HMGN3: variants seen among roughly 807,000 people sequenced by gnomAD.
HMGN3 encodes the protein high mobility group nucleosomal binding domain 3.
In HMGN3, 6 loss-of-function variants were observed where a neutral mutation model predicts 18.8. That is an observed-to-expected ratio of 0.32 (90% CI 0.18 to 0.63). HMGN3 has a LOEUF of 0.63. Ranked by LOEUF, HMGN3 falls within the 30% of genes least tolerant of loss-of-function variation. The pLI is 0.79. For synonymous variants in HMGN3, 40 were observed against 36.5 expected, an observed-to-expected ratio of 1.10 and a Z score of -0.35; for missense variants, 107 against 114.2, an observed-to-expected ratio of 0.94 and a Z score of 0.29.
At chr6:79,205,060 C>T (rs541158056) in intron 3 of HMGN3, among the ~76,000 whole-genome samples, 46 of 152,228 alleles carry the variant, frequency 3.0e-4, no homozygotes, top group African/African-American at 1.1e-3. Flanking sequence ...GTCTGTAATC[C>T]TGCTGGCCTC....
intron 1 of HMGN3, 42 bp from the exon 2 acceptor site, chr6:79,215,064 AAC>A (rs1776905934): frequency 9.0e-7 from 1 of 1,110,982 alleles, no homozygotes; most frequent in East Asian, 2.4e-5. Flanking sequence ...TAAATTGGAA[AAC>A]ACACATTAGA....
intron 3 of HMGN3, among the ~76,000 whole-genome samples, chr6:79,207,693 T>C (rs1776488065): frequency 6.6e-6 from 1 of 152,194 alleles, no homozygotes; most frequent in Admixed American, 6.5e-5. Context: ...CTAATACCCA[T>C]TTTTGCTTTG....
At chr6:79,214,628 AG>A (rs1312421596) in intron 2 of HMGN3, among the ~76,000 whole-genome samples, 1 of 152,218 alleles carries the variant, frequency 6.6e-6, no homozygotes, top group African/African-American at 2.4e-5. Flanking sequence ...TTGCTGTGAA[AG>A]GCAGACTTTG....
At chr6:79,225,609 A>G (rs1415763016) in intron 1 of HMGN3, among the ~76,000 whole-genome samples, 1 of 152,228 alleles carries the variant, frequency 6.6e-6, no homozygotes, top group Non-Finnish European at 1.5e-5. Flanking sequence ...GAGTATTCCC[A>G]TTATTCTATA....
At chr6:79,234,660 G>T (rs958909335) in exon 1 of HMGN3, 19 of 1,199,732 alleles carry the variant, frequency 1.6e-5, no homozygotes, top group Non-Finnish European at 2.3e-5. Flanking sequence ...CACGCGCAGG[G>T]CACGACGTAG....
At chr6:79,221,690 G>C (rs1777291750) in intron 1 of HMGN3, among the ~76,000 whole-genome samples, 1 of 152,166 alleles carries the variant, frequency 6.6e-6, no homozygotes, top group Non-Finnish European at 1.5e-5. Context: ...CTTAGGAACG[G>C]CTTTAGATGG....
At chr6:79,224,063 G>T (rs139925326) in intron 1 of HMGN3, among the ~76,000 whole-genome samples, 1 of 152,332 alleles carries the variant, frequency 6.6e-6, no homozygotes, top group East Asian at 1.9e-4. Flanking sequence ...GGCAATGATT[G>T]AAATGATTTA....
intron 1 of HMGN3, among the ~76,000 whole-genome samples, chr6:79,229,802 C>T (rs1050055034): frequency 3.3e-5 from 5 of 151,972 alleles, no homozygotes; most frequent in African/African-American, 1.2e-4. Flanking sequence ...GGTGTGAACC[C>T]GGGAGGCGGA....
chr6:79,232,428 A>G (rs1777888303), intron 1 of HMGN3, among the ~76,000 whole-genome samples: 1 of 152,094 alleles, frequency 6.6e-6, no homozygotes, highest in Admixed American at 6.5e-5. Flanking sequence ...CCTTCCTATT[A>G]ATCAAGGAGA....
chr6:79,202,091 G>GACA (rs763990963), intron 5 of HMGN3: 19 of 1,538,900 alleles, frequency 1.2e-5, no homozygotes, highest in Non-Finnish European at 8.7e-7. Flanking sequence ...CCCCTTTACT[G>GACA]ACAGTGTGCT....
chr6:79,234,428 C>G (rs1778040652), intron 1 of HMGN3, 118 bp downstream of exon 1: 1 of 928,534 alleles, frequency 1.1e-6, no homozygotes. Flanking sequence ...CGTGGAGGAG[C>G]AAAGATTCCC....
chr6:79,214,572 A>C (rs1776876399), intron 2 of HMGN3, among the ~76,000 whole-genome samples: 1 of 152,064 alleles, frequency 6.6e-6, no homozygotes, highest in Non-Finnish European at 1.5e-5. Flanking sequence ...CTTATAATCC[A>C]CTCACTGGAG....
chr6:79,222,371 G>A (rs1277248400), intron 1 of HMGN3, among the ~76,000 whole-genome samples: 4 of 152,012 alleles, frequency 2.6e-5, no homozygotes, highest in African/African-American at 4.8e-5. Flanking sequence ...AACACACCAC[G>A]AGAAGGTCTG....
intron 1 of HMGN3, among the ~76,000 whole-genome samples, chr6:79,227,743 A>G (rs1371018135): frequency 2.6e-5 from 4 of 152,240 alleles, no homozygotes; most frequent in African/African-American, 4.8e-5. Flanking sequence ...AAATGCCAGA[A>G]CCATACTAGA....
exon 1 of HMGN3, chr6:79,234,595 C>A: frequency 6.2e-7 from 1 of 1,608,856 alleles, no homozygotes; most frequent in Non-Finnish European, 8.5e-7. Context: ...AGTAAAGCAA[C>A]GGACTGGAAC....
intron 1 of HMGN3, among the ~76,000 whole-genome samples, chr6:79,217,287 G>A (rs1230354744): frequency 1.3e-5 from 2 of 152,192 alleles, no homozygotes; most frequent in Admixed American, 6.5e-5. Context: ...GGGGATCAGT[G>A]TGATACAATG....
At chr6:79,227,089 G>A (rs986002744) in intron 1 of HMGN3, among the ~76,000 whole-genome samples, 3 of 152,110 alleles carry the variant, frequency 2.0e-5, no homozygotes, top group Non-Finnish European at 4.4e-5. Flanking sequence ...CAGCTTAAAT[G>A]GTGTTTATTT....
chr6:79,203,682 A>G (rs747353604), intron 3 of HMGN3, 52 bp from the exon 4 acceptor site: 2 of 1,336,198 alleles, frequency 1.5e-6, no homozygotes, highest in Non-Finnish European at 2.1e-6. Flanking sequence ...AAAAACTATC[A>G]GCACCAAAAG....
intron 1 of HMGN3, among the ~76,000 whole-genome samples, chr6:79,226,085 G>T (rs1390950117): frequency 6.6e-6 from 1 of 152,232 alleles, no homozygotes; most frequent in East Asian, 1.9e-4. Context: ...GTATTATGGT[G>T]TAATAGTTAA....
Sources: allele counts gnomAD v4.1 joint callset (sites outside exome capture counted in the v4.1 genomes callset), GRCh38; gene constraint gnomAD v4.1.1; transcripts MANE v1.5; gene names NCBI Gene and HGNC (gene_info 2026-07-23, HGNC 2026-07-21).